The following VPS13A variants were observed in gnomAD, a reference collection of about 807,000 sequenced individuals.
VPS13A encodes intermembrane lipid transfer protein VPS13A.
In VPS13A, 264 loss-of-function variants were observed where a neutral mutation model predicts 390.9. That is an observed-to-expected ratio of 0.68 (90% confidence interval 0.61 to 0.75). The LOEUF is 0.75. Among genes scored for constraint, VPS13A ranks in the 30% least tolerant of loss-of-function variants. VPS13A has a pLI of 0.00. For synonymous variants in VPS13A, 1,231 were observed against 1,227.1 expected (o/e 1.00, Z -0.07); for missense variants, 3,409 against 3,733.9 (o/e 0.91, Z 2.27).
chr9:77,283,200 A>G (rs1011284553), intron 29 of VPS13A, among the ~76,000 whole-genome samples, 155 bp from the exon 30 acceptor site: 3 of 152,142 alleles, frequency 2.0e-5, no homozygotes, highest in African/African-American at 4.8e-5. Flanking sequence ...TTTTCAATTC[A>G]GTAGGGAATA....
At chr9:77,387,984 G>A (rs546382562) in intron 68 of VPS13A, among the ~76,000 whole-genome samples, 2 of 152,212 alleles carry the variant, frequency 1.3e-5, no homozygotes, top group South Asian at 4.2e-4. Context: ...CTTTTTTGTG[G>A]TGATGGGAGA....
intron 17 of VPS13A, among the ~76,000 whole-genome samples, chr9:77,234,919 T>C (rs1205134366): frequency 6.6e-6 from 1 of 152,206 alleles, no homozygotes; most frequent in Non-Finnish European, 1.5e-5. Flanking sequence ...TTAACTTTAA[T>C]AGTGTATAAA....
intron 45 of VPS13A, among the ~76,000 whole-genome samples, chr9:77,328,503 A>G (rs1830123790): frequency 2.0e-5 from 3 of 152,208 alleles, no homozygotes; most frequent in Admixed American, 1.3e-4. Flanking sequence ...TTCTCTAGCT[A>G]TGAGAGTCCT....
chr9:77,189,834 A>C (rs1401217802), intron 1 of VPS13A, among the ~76,000 whole-genome samples: 1 of 147,890 alleles, frequency 6.8e-6, no homozygotes, highest in African/African-American at 2.4e-5. Flanking sequence ...GATTAGCTCT[A>C]TTCCTAGGCA....
chr9:77,334,310 T>G (rs1167219240), intron 46 of VPS13A, among the ~76,000 whole-genome samples: 1 of 152,180 alleles, frequency 6.6e-6, no homozygotes, highest in Non-Finnish European at 1.5e-5. Context: ...CATCTATTAG[T>G]TTGATCTGTT....
At chr9:77,188,726 A>G (rs968831530) in intron 1 of VPS13A, among the ~76,000 whole-genome samples, 7 of 152,200 alleles carry the variant, frequency 4.6e-5, no homozygotes, top group African/African-American at 1.7e-4. Flanking sequence ...TGGCTGAACT[A>G]ATTTACATTC....
At position 77,420,124 on chromosome 9, in the gene VPS13A, A is replaced by C. The variant is rs758145234; in HGVS notation, c.*4118A>C. 2.0e-5 allele frequency: 3 copies of C among 152,184 alleles called. No homozygotes were observed. The highest frequency in any genetic ancestry group is 4.4e-5 in the Non-Finnish European group (3 of 68,038). 9.4% of individuals were successfully genotyped at this position (152,184 alleles called of 1,614,324 possible). A position where few individuals can be genotyped will look rare whatever the true frequency, so the allele number is the denominator to read the frequency against. On this transcript the variant is annotated 3_prime_UTR_variant, in exon 72 of 72. Transcript: ENST00000360280. ...CTTAGTCCTTTGAAGTATACTTTTG[A>C]AATTATACCTTATTGTTAATGGCAA... is the stretch of plus-strand genomic sequence containing the variant.
intron 54 of VPS13A, among the ~76,000 whole-genome samples, chr9:77,354,879 A>G (rs747078236): frequency 2.0e-5 from 3 of 152,154 alleles, no homozygotes; most frequent in Non-Finnish European, 4.4e-5. Context: ...AACAGTTTAC[A>G]GTAGATATAT....
chr9:77,340,615 T>C, intron 50 of VPS13A, 65 bp downstream of exon 50: 1 of 1,582,148 alleles, frequency 6.3e-7, no homozygotes. Flanking sequence ...GTTAGATACC[T>C]AAAGTCACCA....
chr9:77,327,247 AG>A (rs1830061630), intron 45 of VPS13A, among the ~76,000 whole-genome samples: 1 of 152,218 alleles, frequency 6.6e-6, no homozygotes, highest in African/African-American at 2.4e-5. Flanking sequence ...CCGTTATTCT[AG>A]CATGGCTGAA....
At chr9:77,218,213 A>C (rs1400359869) in intron 10 of VPS13A, among the ~76,000 whole-genome samples, 1 of 146,430 alleles carries the variant, frequency 6.8e-6, no homozygotes, top group Non-Finnish European at 1.5e-5. Context: ...TCACGGGTTC[A>C]TGCCATTCTC....
chr9:77,268,776 C>T (rs919138727), intron 23 of VPS13A, among the ~76,000 whole-genome samples: 1 of 151,922 alleles, frequency 6.6e-6, no homozygotes, highest in African/African-American at 2.4e-5. Flanking sequence ...CCCGTCTGTA[C>T]TAAAAATATA....
chr9:77,370,666 C>T, intron 65 of VPS13A, 88 bp downstream of exon 65: 3 of 1,563,222 alleles, frequency 1.9e-6, no homozygotes, highest in Non-Finnish European at 2.6e-6. Context: ...ACATGATTCT[C>T]ACTCCTTAAA....
intron 45 of VPS13A, among the ~76,000 whole-genome samples, chr9:77,331,471 G>A (rs543826140): frequency 3.3e-5 from 5 of 151,900 alleles, no homozygotes; most frequent in African/African-American, 4.8e-5. Flanking sequence ...GGAATGTCAA[G>A]TATCTTTTCA....
At chr9:77,229,225 C>T (rs1272401563) in intron 17 of VPS13A, among the ~76,000 whole-genome samples, 1 of 151,954 alleles carries the variant, frequency 6.6e-6, no homozygotes, top group Admixed American at 6.6e-5. Flanking sequence ...ACTACAGGCG[C>T]GAGCCACCAA....
At chr9:77,408,614 G>C (rs1834744164) in intron 71 of VPS13A, among the ~76,000 whole-genome samples, 1 of 152,334 alleles carries the variant, frequency 6.6e-6, no homozygotes, top group South Asian at 2.1e-4. Flanking sequence ...TTTTCCAACG[G>C]TCTTAGCAAC....
At chr9:77,342,149 G>A (rs948411478) in intron 50 of VPS13A, among the ~76,000 whole-genome samples, 5 of 152,136 alleles carry the variant, frequency 3.3e-5, no homozygotes, top group African/African-American at 1.2e-4. Flanking sequence ...GAGCTCAGCT[G>A]AGGAGGAGAG....
intron 67 of VPS13A, among the ~76,000 whole-genome samples, chr9:77,377,357 C>G (rs999475719): frequency 1.3e-5 from 2 of 151,512 alleles, no homozygotes; most frequent in African/African-American, 4.8e-5. Flanking sequence ...GTAGCTGGGA[C>G]TACAGGCGCC....
At chr9:77,332,525 ATTTG>A (rs1426964659) in intron 46 of VPS13A, among the ~76,000 whole-genome samples, 1 of 151,630 alleles carries the variant, frequency 6.6e-6, no homozygotes, top group East Asian at 1.9e-4. Context: ...TTCTTTTCAT[ATTTG>A]TTCATTGTTC....
Sources: allele counts gnomAD v4.1 joint callset (sites outside exome capture counted in the v4.1 genomes callset), GRCh38; gene constraint gnomAD v4.1.1; transcripts MANE v1.5; gene names NCBI Gene and HGNC (gene_info 2026-07-23, HGNC 2026-07-21).